CCSER1: variants seen among roughly 807,000 people sequenced by gnomAD.
CCSER1 encodes serine-rich coiled-coil domain-containing protein 1.
CCSER1 carries 41 observed loss-of-function variants against 82.0 expected under a neutral mutation model. That is an observed-to-expected ratio of 0.50 (90% confidence interval 0.39 to 0.65). The LOEUF is 0.65. Among genes scored for constraint, CCSER1 ranks in the 30% least tolerant of loss-of-function variants. The pLI is 0.00. For synonymous variants in CCSER1, 414 were observed against 383.9 expected (o/e 1.08, Z -0.92); for missense variants, 1,119 against 1,064.2 (o/e 1.05, Z -0.72).
At chr4:91,176,410 T>G (rs1733365445) in intron 10 of CCSER1, among the ~76,000 whole-genome samples, 1 of 152,248 alleles carries the variant, frequency 6.6e-6, no homozygotes, top group South Asian at 2.1e-4. Context: ...TAAATTACCT[T>G]GGGCAGTGTG....
At chr4:90,411,256 C>T (rs891541912) in intron 4 of CCSER1, among the ~76,000 whole-genome samples, 1 of 152,108 alleles carries the variant, frequency 6.6e-6, no homozygotes, top group Non-Finnish European at 1.5e-5. Context: ...AAGAGGGAAT[C>T]CTCCCTAACT....
chr4:90,602,477 A>G (rs563409166), intron 5 of CCSER1, among the ~76,000 whole-genome samples: 1 of 152,162 alleles, frequency 6.6e-6, no homozygotes, highest in African/African-American at 2.4e-5. Context: ...TTGTGCCTTC[A>G]AGATGGGCTG....
chr4:90,912,021 C>T (rs1726470955), intron 8 of CCSER1, among the ~76,000 whole-genome samples: 2 of 152,252 alleles, frequency 1.3e-5, no homozygotes, highest in Admixed American at 6.5e-5. Flanking sequence ...CTCAAGGAGG[C>T]CTGCCTGCCT....
In CCSER1 at chr4:90,175,917, A is replaced by C. The variant is rs962553184; in HGVS notation, c.-42+48086A>C. 2.0e-4 allele frequency among the ~76,000 whole-genome samples: 30 copies of C among 151,954 alleles called. 1 individual carries two copies. Among genetic ancestry groups the C allele is most frequent in the Non-Finnish European group, 1.5e-5 (1 of 67,952 alleles). ...AAAATGTATATAAACAAAATGGGAG[A>C]TATATTAGAGCTTAACAGTAAACAT... is the stretch of plus-strand genomic sequence containing the variant. On this transcript the variant is annotated intron_variant, in intron 1 of 10. Transcript: ENST00000509176.
At chr4:90,302,804 A>AAAAAAAAAC (rs1733414087) in intron 1 of CCSER1, among the ~76,000 whole-genome samples, 2 of 151,662 alleles carry the variant, frequency 1.3e-5, no homozygotes, top group African/African-American at 4.9e-5. Flanking sequence ...CCTTGTCTCC[A>AAAAAAAAAC]AAAACAAAAC....
chr4:90,816,274 T>G (rs181261263), intron 8 of CCSER1, among the ~76,000 whole-genome samples: 1 of 152,268 alleles, frequency 6.6e-6, no homozygotes, highest in African/African-American at 2.4e-5. Flanking sequence ...CCATCAAAAA[T>G]ACATTAACCT....
In CCSER1 at chr4:91,153,554, C is replaced by G. The variant is rs555579860; in HGVS notation, c.2217+67560C>G. Among the ~76,000 whole-genome samples, 204 of 152,102 alleles carry G rather than the reference C, an allele frequency of 1.3e-3. 4 individuals are homozygous for G. Among genetic ancestry groups the G allele is most frequent in the Admixed American group, 5.4e-3 (83 of 15,288 alleles). On this transcript the variant is annotated intron_variant, in intron 10 of 10. Coordinates refer to ENST00000509176, the MANE Select transcript of CCSER1 (RefSeq NM_001145065.2). ...TTCTCCATCCAGCTTTGTCCTGTTG[C>G]TGGCAAGGAGCTGCATTCCTTTGAA...
intron 6 of CCSER1, among the ~76,000 whole-genome samples, chr4:90,713,235 T>A (rs1740987460): frequency 1.3e-5 from 2 of 152,168 alleles, no homozygotes; most frequent in South Asian, 4.1e-4. Flanking sequence ...AGCTTCTTAG[T>A]GTCACTGGTG....
chr4:90,692,037 A>ATATG (rs1553986941), intron 6 of CCSER1, among the ~76,000 whole-genome samples: 8 of 7,220 alleles, frequency 1.1e-3, no homozygotes, highest in Non-Finnish European at 2.2e-3. Flanking sequence ...CAATGTGTGT[A>ATATG]TATATATATA....
chr4:90,246,805 A>G (rs961845494), intron 1 of CCSER1, among the ~76,000 whole-genome samples: 1 of 152,070 alleles, frequency 6.6e-6, no homozygotes, highest in African/African-American at 2.4e-5. Context: ...AATGTGGTCT[A>G]TTTCTTTCTT....
At chr4:90,610,268 TAAATA>T (rs1785284280) in intron 5 of CCSER1, among the ~76,000 whole-genome samples, 1 of 148,568 alleles carries the variant, frequency 6.7e-6, no homozygotes, top group East Asian at 2.0e-4. Context: ...AATAAATAAA[TAAATA>T]AATAAATAAA....
intron 5 of CCSER1, among the ~76,000 whole-genome samples, chr4:90,530,525 T>A (rs989913374): frequency 1.8e-4 from 28 of 152,190 alleles, no homozygotes; most frequent in African/African-American, 6.8e-4. Flanking sequence ...TTGGGGCTGC[T>A]ATCTTTATGG....
chr4:91,281,398 T>A lies in CCSER1; in HGVS notation c.2217+195404T>A, dbSNP rs536998445. Among the ~76,000 whole-genome samples the A allele has an allele frequency of 5.9e-5, 9 of 152,192 alleles. No individual in the cohort carries two copies. In the South Asian group the frequency reaches 1.9e-3, roughly 32 times the overall value. ...AAAGATTTCATTGAGCATAAACATA[T>A]AACTAAATTAAATGACTCTGACAGT... is the stretch of plus-strand genomic sequence containing the variant. On this transcript the variant is annotated intron_variant, in intron 10 of 10. Transcript: ENST00000509176.
intron 7 of CCSER1, among the ~76,000 whole-genome samples, chr4:90,764,329 G>A (rs990059190): frequency 6.6e-6 from 1 of 152,174 alleles, no homozygotes; most frequent in Non-Finnish European, 1.5e-5. Flanking sequence ...TTGACTGATA[G>A]AGTATAAGTA....
chr4:90,395,917 A>C (rs1417963327), intron 3 of CCSER1, among the ~76,000 whole-genome samples: 2 of 142,976 alleles, frequency 1.4e-5, no homozygotes, highest in South Asian at 2.3e-4. Context: ...TAAAAATACA[A>C]AAAAAAAAAA....
At chr4:90,282,043 C>T (rs141141740) in intron 1 of CCSER1, among the ~76,000 whole-genome samples, 5 of 151,950 alleles carry the variant, frequency 3.3e-5, no homozygotes, top group Admixed American at 6.6e-5. Flanking sequence ...TTATCAATAG[C>T]GCTGTACTCA....
At chr4:90,881,214 G>A (rs984613426) in intron 8 of CCSER1, among the ~76,000 whole-genome samples, 3 of 151,778 alleles carry the variant, frequency 2.0e-5, no homozygotes, top group East Asian at 1.9e-4. Flanking sequence ...CCTCAAACTC[G>A]TTTCCACAAT....
intron 10 of CCSER1, among the ~76,000 whole-genome samples, chr4:91,528,745 A>G (rs1760888964): frequency 6.6e-6 from 1 of 152,164 alleles, no homozygotes; most frequent in Non-Finnish European, 1.5e-5. Context: ...TTCTGTGTAA[A>G]GTCTGCTTTT....
At chr4:91,498,052 T>G (rs1043774976) in intron 10 of CCSER1, among the ~76,000 whole-genome samples, 1 of 151,956 alleles carries the variant, frequency 6.6e-6, no homozygotes, top group African/African-American at 2.4e-5. Context: ...GAAGCACAGC[T>G]TCGCTGTGCA....
Sources: allele counts gnomAD v4.1 joint callset (sites outside exome capture counted in the v4.1 genomes callset), GRCh38; gene constraint gnomAD v4.1.1; transcripts MANE v1.5; gene names NCBI Gene and HGNC (gene_info 2026-07-23, HGNC 2026-07-21).